The following TMEM132E variants were observed in gnomAD, a reference collection of about 807,000 sequenced individuals.
The protein encoded by TMEM132E is transmembrane protein 132E.
Under a neutral mutation model 78.5 loss-of-function variants are expected in TMEM132E, and 49 were observed. The observed-to-expected ratio is 0.62, with a 90% CI of 0.50 to 0.79. TMEM132E has a LOEUF of 0.79. TMEM132E is among the 30% of genes least tolerant of loss of function. TMEM132E has a pLI of 0.00. For missense variants in TMEM132E, 1,403 were observed against 1,470.9 expected, an observed-to-expected ratio of 0.95 and a Z score of 0.75; for synonymous variants, 715 against 670.6, an observed-to-expected ratio of 1.07 and a Z score of -1.02.
intron 1 of TMEM132E, among the ~76,000 whole-genome samples, chr17:34,613,207 ACACACGCG>A (rs1407287247): frequency 2.4e-5 from 2 of 83,016 alleles, no homozygotes; most frequent in East Asian, 4.9e-4. Context: ...CCACACACAC[ACACACGCG>A]CGCGCGCGCG....
At chr17:34,589,454 G>T (rs955317669) in intron 1 of TMEM132E, among the ~76,000 whole-genome samples, 2 of 152,196 alleles carry the variant, frequency 1.3e-5, no homozygotes, top group Admixed American at 6.5e-5. Flanking sequence ...GCAACCTTCA[G>T]TGTATTTCAC....
chr17:34,626,182 G>C lies in TMEM132E; in HGVS notation c.123G>C (p.Pro41=). ...GCCCGCCGGGGCCGCAGGCCAGCCC[G>C]GTGCTGCCAGTCAGCTACCGCCTGT... is the stretch of plus-strand genomic sequence containing the variant. ...SPSPPGPQAS[P]VLPVSYRLSH... is the part of the protein sequence containing the mutation. The change falls in exon 2 of 9, where the codon CCG becomes CCC. Residue 41 remains proline, a synonymous_variant. Coordinates refer to ENST00000631683, the MANE Select transcript of TMEM132E (RefSeq NM_001304438.2). 1 of 1,563,580 alleles carries C rather than the reference G, an allele frequency of 6.4e-7. No homozygotes were observed. The highest frequency in any genetic ancestry group is 2.4e-5 in the East Asian group (1 of 42,192).
chr17:34,637,365 G>GCTAA lies in TMEM132E; in HGVS notation c.2360_2363dup (p.Ile789AsnfsTer4). The GCTAA allele has an allele frequency of 6.2e-7, 1 of 1,613,968 alleles. No homozygotes were observed. The highest frequency in any genetic ancestry group is 2.2e-5 in the East Asian group (1 of 44,880). On this transcript the variant is annotated frameshift_variant, in exon 9 of 9. Transcript: ENST00000631683. LOFTEE classifies it high-confidence loss of function. ...GGTCAGGGGAGCTGCTTCGCGCAGA[G>GCTAA]CTAACCATCGCTGAGAGCTGCCAGA...
intron 1 of TMEM132E, among the ~76,000 whole-genome samples, chr17:34,605,901 C>T (rs1356330461): frequency 6.6e-6 from 1 of 152,188 alleles, no homozygotes. Context: ...ATGTTTCCAA[C>T]CTCTACATGC....
chr17:34,630,560 A>G (rs577587112), intron 5 of TMEM132E, among the ~76,000 whole-genome samples: 117 of 152,264 alleles, frequency 7.7e-4, no homozygotes, highest in African/African-American at 2.7e-3. Context: ...GTGTGCAGAC[A>G]CTTGGCAAGG....
chr17:34,590,322 T>C (rs955654560), intron 1 of TMEM132E, among the ~76,000 whole-genome samples: 2 of 148,984 alleles, frequency 1.3e-5, no homozygotes, highest in African/African-American at 4.9e-5. Context: ...GCTTTCCTCC[T>C]CCACTCTCAC....
At chr17:34,595,760 G>T (rs547836440) in intron 1 of TMEM132E, among the ~76,000 whole-genome samples, 21 of 152,286 alleles carry the variant, frequency 1.4e-4, no homozygotes, top group Middle Eastern at 6.8e-3. Context: ...TCACATGAGG[G>T]TATTGACAGG....
chr17:34,636,269 C>A, intron 8 of TMEM132E, 71 bp downstream of exon 8: 1 of 1,337,398 alleles, frequency 7.5e-7, no homozygotes, highest in Non-Finnish European at 9.7e-7. Context: ...CTCTGCTTTG[C>A]CCTAGCACCA....
At chr17:34,635,826 A>G in intron 7 of TMEM132E, 181 bp from the exon 8 acceptor site, 1 of 481,700 alleles carries the variant, frequency 2.1e-6, no homozygotes, top group Non-Finnish European at 3.4e-6. Context: ...CCCTCTCATG[A>G]CCTCTGGACA....
intron 1 of TMEM132E, among the ~76,000 whole-genome samples, chr17:34,595,612 C>T (rs954085444): frequency 2.0e-5 from 3 of 152,180 alleles, no homozygotes; most frequent in Non-Finnish European, 4.4e-5. Context: ...GAGATTCAGG[C>T]CCCTCTCACC....
chr17:34,622,655 C>A (rs1309484166), intron 1 of TMEM132E, among the ~76,000 whole-genome samples: 1 of 152,224 alleles, frequency 6.6e-6, no homozygotes, highest in East Asian at 1.9e-4. Context: ...GAACTCATTA[C>A]CCTCACAGCA....
At chr17:34,582,291 A>G (rs1421716040) in intron 1 of TMEM132E, among the ~76,000 whole-genome samples, 1 of 152,148 alleles carries the variant, frequency 6.6e-6, no homozygotes, top group African/African-American at 2.4e-5. Context: ...GCTCTTGCCC[A>G]GATCTGCCCA....
At chr17:34,628,962 T>C in intron 3 of TMEM132E, 50 bp from the exon 4 acceptor site, 1 of 1,512,326 alleles carries the variant, frequency 6.6e-7, no homozygotes, top group South Asian at 1.3e-5. Context: ...GCTCCTGGGC[T>C]GCTCCCAGCC....
chr17:34,605,208 G>A (rs538041742), intron 1 of TMEM132E, among the ~76,000 whole-genome samples: 40 of 152,244 alleles, frequency 2.6e-4, no homozygotes, highest in African/African-American at 9.4e-4. Flanking sequence ...ACCTACTGTC[G>A]CACGGGCTGT....
Position 34,638,241 on chromosome 17 carries a change from G to A in TMEM132E, c.*9G>A. On this transcript the variant is annotated 3_prime_UTR_variant, in exon 9 of 9. Coordinates refer to ENST00000631683, the MANE Select transcript of TMEM132E (RefSeq NM_001304438.2). ...TCAAAGAGATTGCATAGAGGCGCCAGCCGGAGTAGCAGGGACCCCCCCCCC... is the reference window on the plus strand; with the variant it reads ...TCAAAGAGATTGCATAGAGGCGCCAACCGGAGTAGCAGGGACCCCCCCCCC... 10 of 1,524,718 alleles carry A rather than the reference G, an allele frequency of 6.6e-6. No individual in the cohort carries two copies. Among genetic ancestry groups the A allele is most frequent in the South Asian group, 1.3e-5 (1 of 76,498 alleles). The allele number at this position is 1,524,718 out of a possible 1,614,324, so 94.4% of individuals were successfully genotyped here. A position where few individuals can be genotyped will look rare whatever the true frequency, so the allele number is the denominator to read the frequency against.
At chr17:34,610,013 CA>C (rs1316158591) in intron 1 of TMEM132E, among the ~76,000 whole-genome samples, 1 of 152,106 alleles carries the variant, frequency 6.6e-6, no homozygotes, top group African/African-American at 2.4e-5. Context: ...CCCACCCACC[CA>C]GGTCCCACCA....
chr17:34,581,727 G>A (rs911490153), intron 1 of TMEM132E, among the ~76,000 whole-genome samples: 1 of 152,110 alleles, frequency 6.6e-6, no homozygotes, highest in African/African-American at 2.4e-5. Context: ...CCCGGAGGGC[G>A]GGGGTCTGGG....
chr17:34,613,174 TACACACAC>T (rs1052726474), intron 1 of TMEM132E, among the ~76,000 whole-genome samples: 7 of 109,176 alleles, frequency 6.4e-5, no homozygotes, highest in African/African-American at 9.1e-5. Flanking sequence ...TCTCTCTCTC[TACACACAC>T]ACACACACAC....
chr17:34,637,383 C>G lies in TMEM132E; in HGVS notation c.2376C>G (p.Ser792Arg). Residue 792 changes from serine to arginine, a missense_variant, in exon 9 of 9, where the codon AGC becomes AGG. Transcript: ENST00000631683. The stretch of plus-strand genomic sequence containing the variant: ...GCGCAGAGCTAACCATCGCTGAGAG[C>G]TGCCAGAAAACCAAACGCAAGAGTG... ...LLRAELTIAE[S>R]CQKTKRKSVL... The G allele has an allele frequency of 6.2e-7, 1 of 1,613,946 alleles. No individual in the cohort carries two copies.
Sources: gnomAD v4.1 joint callset for allele counts (sites outside exome capture counted in the v4.1 genomes callset) on GRCh38, gnomAD v4.1.1 for gene constraint, MANE v1.5 for transcripts, NCBI Gene and HGNC (gene_info 2026-07-23, HGNC 2026-07-21) for gene names.